Variants in CRTC3 observed in about 807,000 individuals in gnomAD.
The protein encoded by CRTC3 is CREB regulated transcription coactivator 3, also known as CREB-regulated transcription coactivator 3.
A neutral mutation model predicts 74.5 loss-of-function variants in CRTC3; 26 were observed. The ratio of observed to expected loss-of-function variants is 0.35; its 90% CI spans 0.26 to 0.48. The LOEUF (loss-of-function observed/expected upper bound fraction) is 0.48. Ranked by LOEUF, CRTC3 falls within the 20% of genes least tolerant of loss-of-function variation. The probability of loss-of-function intolerance (pLI) is 0.99; values close to 1 mark genes in which losing one functional copy is unlikely to be tolerated. For synonymous variants in CRTC3, 377 were observed against 325.8 expected, an observed-to-expected ratio of 1.16 and a Z score of -1.69; for missense variants, 760 against 787.3, an observed-to-expected ratio of 0.97 and a Z score of 0.41.
rs1968952153 is a variant in CRTC3 at position 90,629,330 on chromosome 15, C to G, written c.1064C>G (p.Pro355Arg). 2 of 1,614,020 alleles carry G rather than the reference C, an allele frequency of 1.2e-6. No homozygotes were observed. The highest frequency in any genetic ancestry group is 1.3e-5 in the African/African-American group (1 of 74,902). ...SLNNHPQTSV[P>R]NASALHPSLR... Reference sequence around the variant, plus strand: ...AATAACCACCCACAGACATCTGTTCCCAACGCATCTGCTCTTCACCCTTCG... The same window carrying G: ...AATAACCACCCACAGACATCTGTTCGCAACGCATCTGCTCTTCACCCTTCG... Residue 355 changes from proline to arginine, a missense_variant, in exon 11 of 15, where the codon CCC becomes CGC. Pro to Arg is a moderately radical substitution (Grantham distance 103). Coordinates refer to ENST00000268184, the MANE Select transcript of CRTC3 (RefSeq NM_022769.5).
intron 2 of CRTC3, among the ~76,000 whole-genome samples, chr15:90,585,038 T>C (rs1418744634): frequency 6.6e-6 from 1 of 152,246 alleles, no homozygotes; most frequent in Admixed American, 6.5e-5. Flanking sequence ...GCCGTTTGTA[T>C]TGCATCATAG....
intron 2 of CRTC3, among the ~76,000 whole-genome samples, chr15:90,543,337 G>A (rs1397698533): frequency 1.3e-5 from 2 of 149,526 alleles, no homozygotes; most frequent in Non-Finnish European, 3.0e-5. Flanking sequence ...TGTCTGTCAG[G>A]CTTCCCCATT....
At chr15:90,605,796 G>A (rs931927245) in intron 5 of CRTC3, among the ~76,000 whole-genome samples, 6 of 152,220 alleles carry the variant, frequency 3.9e-5, no homozygotes, top group East Asian at 3.8e-4. Context: ...GTTGCTTACC[G>A]TAAAGTCCTT....
chr15:90,566,646 A>G (rs924420840), intron 2 of CRTC3, among the ~76,000 whole-genome samples: 2 of 151,750 alleles, frequency 1.3e-5, no homozygotes, highest in Admixed American at 6.6e-5. Context: ...CAAGTTATCC[A>G]GAAGATCTGG....
intron 2 of CRTC3, among the ~76,000 whole-genome samples, chr15:90,577,029 T>TTTTTTG (rs1555448723): frequency 6.6e-6 from 1 of 151,218 alleles, no homozygotes; most frequent in African/African-American, 2.4e-5. Context: ...ATTTGTTTGT[T>TTTTTTG]TTTTGTTTTG....
At chr15:90,612,540 C>T (rs1331037128) in intron 6 of CRTC3, among the ~76,000 whole-genome samples, 1 of 151,938 alleles carries the variant, frequency 6.6e-6, no homozygotes, top group East Asian at 1.9e-4. Flanking sequence ...GTTTCAGGGA[C>T]AGGTCAGGCT....
At chr15:90,626,056 G>A in intron 10 of CRTC3, 63 bp downstream of exon 10, 1 of 1,240,418 alleles carries the variant, frequency 8.1e-7, no homozygotes, top group African/African-American at 1.5e-5. Flanking sequence ...CACCCATGTG[G>A]CCTGTTCAGT....
At chr15:90,549,546 C>A (rs1013012981) in intron 2 of CRTC3, among the ~76,000 whole-genome samples, 1 of 151,902 alleles carries the variant, frequency 6.6e-6, no homozygotes, top group Non-Finnish European at 1.5e-5. Flanking sequence ...GAGGCCGAGG[C>A]GGGCAGATTG....
chr15:90,642,172 C>T lies in CRTC3; in HGVS notation c.*32C>T. On this transcript the variant is annotated 3_prime_UTR_variant, in exon 15 of 15. Transcript: ENST00000268184. ...GGCAGTGGAACAGAAGAATGTTTTT[C>T]TGCAACAGCCAAAATAGAATGGAAT... The T allele has an allele frequency of 6.3e-7, 1 of 1,578,374 alleles. No individual in the cohort carries two copies. Among genetic ancestry groups the T allele is most frequent in the East Asian group, 2.2e-5 (1 of 44,672 alleles).
At chr15:90,531,761 T>C (rs1966630426) in intron 1 of CRTC3, among the ~76,000 whole-genome samples, 1 of 152,178 alleles carries the variant, frequency 6.6e-6, no homozygotes, top group Admixed American at 6.5e-5. Flanking sequence ...GTTATGTGTT[T>C]TTAAATACAT....
intron 11 of CRTC3, among the ~76,000 whole-genome samples, chr15:90,634,002 CT>C (rs963198390): frequency 5.4e-5 from 8 of 147,906 alleles, no homozygotes; most frequent in East Asian, 2.0e-4. Context: ...TTTTAGTGGT[CT>C]TTTTTTTTCG....
chr15:90,582,807 G>A (rs1413290664), intron 2 of CRTC3, among the ~76,000 whole-genome samples: 1 of 152,116 alleles, frequency 6.6e-6, no homozygotes, highest in South Asian at 2.1e-4. Context: ...TGTGGCTGAC[G>A]CTGTGCAAAT....
At chr15:90,570,939 A>T (rs1232926857) in intron 2 of CRTC3, among the ~76,000 whole-genome samples, 2 of 152,232 alleles carry the variant, frequency 1.3e-5, no homozygotes, top group African/African-American at 2.4e-5. Context: ...TTGGGGGAAT[A>T]CAGCTATGAA....
At chr15:90,560,701 G>A (rs977303348) in intron 2 of CRTC3, among the ~76,000 whole-genome samples, 3 of 152,232 alleles carry the variant, frequency 2.0e-5, no homozygotes, top group African/African-American at 7.2e-5. Context: ...GGGAATGAGA[G>A]CAGCGCCCAG....
intron 10 of CRTC3, among the ~76,000 whole-genome samples, chr15:90,626,806 G>A (rs1158307704): frequency 6.6e-6 from 1 of 152,122 alleles, no homozygotes; most frequent in East Asian, 1.9e-4. Flanking sequence ...GTAGAGACAG[G>A]GTTTCACCAT....
chr15:90,617,678 A>C (rs1968528872), intron 7 of CRTC3, among the ~76,000 whole-genome samples: 1 of 152,042 alleles, frequency 6.6e-6, no homozygotes, highest in South Asian at 2.1e-4. Context: ...TACAGGTGTG[A>C]GCCGCCACAC....
chr15:90,558,909 G>A (rs921235205), intron 2 of CRTC3, among the ~76,000 whole-genome samples: 1 of 151,634 alleles, frequency 6.6e-6, no homozygotes, highest in African/African-American at 2.4e-5. Context: ...GTGCTACCAC[G>A]CCCGGCTAAT....
intron 3 of CRTC3, chr15:90,598,538 GGA>G (rs1242918120): frequency 1.4e-6 from 1 of 702,158 alleles, no homozygotes; most frequent in Non-Finnish European, 2.6e-6. Context: ...AGAGGCTTGG[GGA>G]GAGAGAGAAC....
intron 1 of CRTC3, among the ~76,000 whole-genome samples, chr15:90,535,801 A>C (rs139632912): frequency 1.1e-4 from 17 of 152,308 alleles, no homozygotes; most frequent in Non-Finnish European, 1.5e-4. Context: ...ACATGTTGTT[A>C]TCTCACATAG....
Sources: allele counts gnomAD v4.1 joint callset (sites outside exome capture counted in the v4.1 genomes callset), GRCh38; gene constraint gnomAD v4.1.1; transcripts MANE v1.5; gene names NCBI Gene and HGNC (gene_info 2026-07-23, HGNC 2026-07-21).